LSAMP: variants seen among roughly 807,000 people sequenced by gnomAD.
LSAMP encodes the protein limbic system associated membrane protein.
A neutral mutation model predicts 38.6 loss-of-function variants in LSAMP; 7 were observed. The observed-to-expected ratio is 0.18, with a 90% CI of 0.10 to 0.34. LSAMP has a LOEUF of 0.34. Ranked by LOEUF, LSAMP falls within the 10% of genes least tolerant of loss-of-function variation. LSAMP has a pLI of 1.00. For missense variants in LSAMP, 313 were observed against 420.0 expected (o/e 0.75, Z 2.23); for synonymous variants, 154 against 166.8 (o/e 0.92, Z 0.59).
intron 6 of LSAMP, among the ~76,000 whole-genome samples, chr3:115,840,371 A>G (rs913577667): frequency 3.4e-5 from 5 of 146,844 alleles, no homozygotes; most frequent in Non-Finnish European, 7.5e-5. Flanking sequence ...TCCCGCTGCC[A>G]TTTATGGAAT....
chr3:116,414,209 C>T (rs1349120868), intron 1 of LSAMP, among the ~76,000 whole-genome samples: 1 of 151,950 alleles, frequency 6.6e-6, no homozygotes, highest in African/African-American at 2.4e-5. Context: ...ATTATTACTG[C>T]AAAAATGGCA....
intron 1 of LSAMP, among the ~76,000 whole-genome samples, chr3:116,254,764 A>G (rs1260595040): frequency 6.6e-6 from 1 of 152,190 alleles, no homozygotes; most frequent in African/African-American, 2.4e-5. Flanking sequence ...AATGGTTGAC[A>G]GTATTTCCCA....
chr3:116,035,787 T>C (rs181511607), intron 2 of LSAMP, among the ~76,000 whole-genome samples: 14 of 152,336 alleles, frequency 9.2e-5, no homozygotes, highest in African/African-American at 3.4e-4. Context: ...GTATTCTCAA[T>C]TTATTGTCTA....
At chr3:116,275,316 G>T (rs544595757) in intron 1 of LSAMP, among the ~76,000 whole-genome samples, 1 of 152,190 alleles carries the variant, frequency 6.6e-6, no homozygotes, top group East Asian at 1.9e-4. Flanking sequence ...GCCTCCCAAA[G>T]TACTGGGATT....
intron 1 of LSAMP, among the ~76,000 whole-genome samples, chr3:116,349,677 A>G (rs1576151575): frequency 6.6e-6 from 1 of 152,168 alleles, no homozygotes; most frequent in Non-Finnish European, 1.5e-5. Flanking sequence ...ACACACAAAT[A>G]AATGAATAAA....
chr3:116,176,385 C>T (rs1357424427), intron 1 of LSAMP, among the ~76,000 whole-genome samples: 1 of 152,082 alleles, frequency 6.6e-6, no homozygotes, highest in African/African-American at 2.4e-5. Context: ...AACTGGAACG[C>T]AAAGGACCAT....
intron 3 of LSAMP, among the ~76,000 whole-genome samples, chr3:115,903,760 T>A (rs935444425): frequency 8.5e-5 from 13 of 152,306 alleles, no homozygotes; most frequent in African/African-American, 3.1e-4. Context: ...TAACAGGTTT[T>A]AATAGGTTAG....
chr3:116,280,067 T>C (rs908408420), intron 1 of LSAMP, among the ~76,000 whole-genome samples: 2 of 152,216 alleles, frequency 1.3e-5, no homozygotes, highest in African/African-American at 4.8e-5. Flanking sequence ...TAATTACTGA[T>C]GATGCTTGTA....
intron 3 of LSAMP, among the ~76,000 whole-genome samples, chr3:115,912,410 G>A (rs1357186755): frequency 6.6e-6 from 1 of 152,196 alleles, no homozygotes; most frequent in Non-Finnish European, 1.5e-5. Context: ...ACCCCACTGG[G>A]AGGAGGAGGG....
At chr3:116,023,610 A>G (rs2107692867) in intron 2 of LSAMP, among the ~76,000 whole-genome samples, 1 of 151,848 alleles carries the variant, frequency 6.6e-6, no homozygotes, top group Admixed American at 6.6e-5. Flanking sequence ...GTCTCAAAAA[A>G]AAAAAAAAAA....
chr3:116,002,431 A>C (rs1420507275), intron 3 of LSAMP, among the ~76,000 whole-genome samples: 1 of 152,214 alleles, frequency 6.6e-6, no homozygotes, highest in Middle Eastern at 3.2e-3. Context: ...AGGCTGAAAG[A>C]AGCTTTGGAT....
At chr3:116,401,851 T>C (rs980344259) in intron 1 of LSAMP, among the ~76,000 whole-genome samples, 1 of 152,232 alleles carries the variant, frequency 6.6e-6, no homozygotes, top group African/African-American at 2.4e-5. Flanking sequence ...GTCAGTTCAC[T>C]GTGTAGATTG....
intron 1 of LSAMP, among the ~76,000 whole-genome samples, chr3:116,331,311 G>A (rs114694078): frequency 0.016 from 2,434 of 152,268 alleles, 61 homozygotes; most frequent in African/African-American, 0.054. Context: ...AGATAGGGAA[G>A]AGAAAGGGAA....
At chr3:115,977,900 A>G (rs578037155) in intron 3 of LSAMP, among the ~76,000 whole-genome samples, 1 of 152,348 alleles carries the variant, frequency 6.6e-6, no homozygotes, top group South Asian at 2.1e-4. Context: ...AACTGAATAA[A>G]TTAAATTTAT....
At chr3:116,037,783 GCATATATATAAT>G (rs751835416) in intron 2 of LSAMP, among the ~76,000 whole-genome samples, 43 of 151,822 alleles carry the variant, frequency 2.8e-4, no homozygotes, top group Non-Finnish European at 4.3e-4. Context: ...GTTTGTATGT[GCATATATATAAT>G]CATATATATA....
intron 1 of LSAMP, among the ~76,000 whole-genome samples, chr3:116,392,715 G>T (rs1025336236): frequency 1.3e-5 from 2 of 152,194 alleles, no homozygotes; most frequent in Non-Finnish European, 2.9e-5. Flanking sequence ...GAAACTTGTG[G>T]TGCTTTTCCC....
At chr3:116,258,814 C>T (rs2107655980) in intron 1 of LSAMP, among the ~76,000 whole-genome samples, 1 of 152,246 alleles carries the variant, frequency 6.6e-6, no homozygotes. Flanking sequence ...TTCGTATAGT[C>T]ATACAGAGAC....
intron 3 of LSAMP, among the ~76,000 whole-genome samples, chr3:115,993,716 TA>T (rs770664001): frequency 2.9e-4 from 44 of 152,202 alleles, no homozygotes; most frequent in Non-Finnish European, 5.1e-4. Flanking sequence ...AAAATTTTTT[TA>T]AGTAAAAAAT....
At chr3:116,350,597 T>C (rs1005551195) in intron 1 of LSAMP, among the ~76,000 whole-genome samples, 1 of 151,286 alleles carries the variant, frequency 6.6e-6, no homozygotes, top group African/African-American at 2.4e-5. Flanking sequence ...TCAACTAACA[T>C]GGTATCACAG....
Sources: allele counts gnomAD v4.1 joint callset (sites outside exome capture counted in the v4.1 genomes callset), GRCh38; gene constraint gnomAD v4.1.1; transcripts MANE v1.5; gene names NCBI Gene and HGNC (gene_info 2026-07-23, HGNC 2026-07-21).